INO80C: variants seen among roughly 807,000 people sequenced by gnomAD.
INO80C encodes IES6 homolog.
INO80C carries 17 observed loss-of-function variants against 17.7 expected under a neutral mutation model. That is an observed-to-expected ratio of 0.96 (90% CI 0.66 to 1.44). INO80C has a LOEUF of 1.44. INO80C is among the 40% of genes most tolerant of loss of function. The probability of loss-of-function intolerance (pLI) is 0.00; values close to 1 mark genes in which losing one functional copy is unlikely to be tolerated. For missense variants in INO80C, 244 were observed against 245.0 expected, an observed-to-expected ratio of 1.00 and a Z score of 0.03; for synonymous variants, 96 against 95.8, an observed-to-expected ratio of 1.00 and a Z score of -0.01.
At chr18:35,494,750 T>C (rs2045964115) in intron 1 of INO80C, among the ~76,000 whole-genome samples, 1 of 152,242 alleles carries the variant, frequency 6.6e-6, no homozygotes, top group Non-Finnish European at 1.5e-5. Context: ...TTGCATTGTG[T>C]CAGGACTTCT....
chr18:35,474,310 G>A (rs2045709037), intron 4 of INO80C, among the ~76,000 whole-genome samples: 1 of 145,294 alleles, frequency 6.9e-6, no homozygotes, highest in Non-Finnish European at 1.5e-5. Flanking sequence ...TATGATGTAG[G>A]TTTTGAAACT....
chr18:35,471,286 G>A (rs1339596263), intron 4 of INO80C, among the ~76,000 whole-genome samples: 3 of 152,240 alleles, frequency 2.0e-5, no homozygotes, highest in African/African-American at 7.2e-5. Context: ...TTCCCCAGGA[G>A]AAACCACTGC....
At position 35,497,775 on chromosome 18, in the gene INO80C, CGCT is replaced by C. The variant is rs1567992478; in HGVS notation, c.97_99del (p.Ser33del). On this transcript the variant is annotated inframe_deletion, in exon 1 of 5. Transcript: ENST00000334598. ...TTCTTACTGGCGCCATAGCCCCCGC[CGCT>C]GCTGCCATTGTGGGAAGGGCTGGCC... 4.3e-6 allele frequency: 7 copies of C among 1,613,150 alleles called. No individual in the cohort carries two copies. The highest frequency in any genetic ancestry group is 5.9e-6 in the Non-Finnish European group (7 of 1,179,584).
Position 35,479,373 on chromosome 18 carries a change from GTTC to G in INO80C, c.303_305del (p.Lys101del). On this transcript the variant is annotated inframe_deletion, in exon 3 of 5. Coordinates refer to ENST00000334598, the MANE Select transcript of INO80C (RefSeq NM_194281.4). ...TTTGTTTCAGGTTCTTCCAGGTTCT[GTTC>G]TTCTTGCCAGCTACTGCGCCACCGT... 3 of 1,614,108 alleles carry G rather than the reference GTTC, an allele frequency of 1.9e-6. No homozygotes were observed. The highest frequency in any genetic ancestry group is 2.5e-6 in the Non-Finnish European group (3 of 1,180,006).
At chr18:35,474,207 C>CTATATATATATATATATATATATA (rs58465669) in intron 4 of INO80C, among the ~76,000 whole-genome samples, 1 of 58,020 alleles carries the variant, frequency 1.7e-5, no homozygotes, top group Non-Finnish European at 3.3e-5. Flanking sequence ...GTGTGTGTGT[C>CTATATATATATATATATATATATA]TATATATATA....
Position 35,497,899 on chromosome 18 carries a change from C to T in INO80C, c.-25G>A, listed in dbSNP as rs2046002571. On this transcript the variant is annotated 5_prime_UTR_variant, in exon 1 of 5. Transcript: ENST00000334598. ...TCGCACTCCGAGTCTTCCCCTGGTC[C>T]CCCCACCTTTTTCCCAGCGCGGGCC... 6.6e-7 allele frequency: 1 copy of T among 1,509,976 alleles called. No homozygotes were observed. 93.5% of individuals were successfully genotyped at this position (1,509,976 alleles called of 1,614,324 possible). A position where few individuals can be genotyped will look rare whatever the true frequency, so the allele number is the denominator to read the frequency against.
chr18:35,472,934 ATCTG>A (rs2045687945), intron 4 of INO80C, among the ~76,000 whole-genome samples: 1 of 152,356 alleles, frequency 6.6e-6, no homozygotes, highest in Middle Eastern at 3.4e-3. Context: ...TAGGAGAGTT[ATCTG>A]TCTATTCAGA....
chr18:35,491,348 A>G (rs1255874439), intron 1 of INO80C, among the ~76,000 whole-genome samples: 1 of 152,140 alleles, frequency 6.6e-6, no homozygotes, highest in East Asian at 1.9e-4. Context: ...AAGAGTCAAG[A>G]AGAGGATGAA....
At chr18:35,474,883 G>A (rs538795388) in intron 4 of INO80C, among the ~76,000 whole-genome samples, 5 of 152,224 alleles carry the variant, frequency 3.3e-5, no homozygotes, top group Non-Finnish European at 5.9e-5. Context: ...GAACCGCAAC[G>A]AAATAAGAGT....
At chr18:35,473,956 T>A (rs1361599249) in intron 4 of INO80C, among the ~76,000 whole-genome samples, 1 of 151,818 alleles carries the variant, frequency 6.6e-6, no homozygotes, top group African/African-American at 2.4e-5. Context: ...CAAGGAAAGA[T>A]AACAGAATCT....
rs537692053 is a variant in INO80C, at chr18:35,473,427, G to C, written c.448-4685C>G. 5.9e-5 allele frequency among the ~76,000 whole-genome samples: 9 copies of C among 152,298 alleles called. No individual in the cohort carries two copies. In the South Asian group the frequency reaches 1.9e-3, roughly 32 times the overall value. On this transcript the variant is annotated intron_variant, in intron 4 of 4. Coordinates refer to ENST00000334598, the MANE Select transcript of INO80C (RefSeq NM_194281.4). Reference sequence around the variant, plus strand: ...ATGGGGCAGAGGTGGAGCTCACGCAGAGCTCAGATTCAGGGGCTACTGAAA... The same window carrying C: ...ATGGGGCAGAGGTGGAGCTCACGCACAGCTCAGATTCAGGGGCTACTGAAA...
intron 1 of INO80C, among the ~76,000 whole-genome samples, chr18:35,491,186 T>A (rs1567988356): frequency 6.6e-6 from 1 of 152,138 alleles, no homozygotes; most frequent in Non-Finnish European, 1.5e-5. Flanking sequence ...GGCGTTTAGT[T>A]CCAAGGCCCC....
chr18:35,472,692 T>C (rs2045685128), intron 4 of INO80C, among the ~76,000 whole-genome samples: 1 of 152,218 alleles, frequency 6.6e-6, no homozygotes, highest in Admixed American at 6.5e-5. Context: ...AAAGAAGCAG[T>C]ACCAGTGTAT....
At chr18:35,471,119 T>A (rs1451030124) in intron 4 of INO80C, among the ~76,000 whole-genome samples, 1 of 152,246 alleles carries the variant, frequency 6.6e-6, no homozygotes, top group Non-Finnish European at 1.5e-5. Flanking sequence ...TGTGTGTCAA[T>A]GTAAATGTGA....
rs116742154 is a variant in INO80C, at chr18:35,497,573, C to T, written c.156+146G>A. 1.0e-3 allele frequency: 1,439 copies of T among 1,423,314 alleles called. 9 individuals carry two copies. In the African/African-American group the frequency reaches 0.019, roughly 19 times the overall value. 88.2% of individuals were successfully genotyped at this position (1,423,314 alleles called of 1,614,324 possible). A position where few individuals can be genotyped will look rare whatever the true frequency, so the allele number is the denominator to read the frequency against. On this transcript the variant is annotated intron_variant, in intron 1 of 4. Coordinates refer to ENST00000334598, the MANE Select transcript of INO80C (RefSeq NM_194281.4). The stretch of plus-strand genomic sequence containing the variant: ...TGTCCAAACGAAGGGAAAGAGTAGT[C>T]ATTCACTCCGCGGGGCAGCGTCTTT...
At chr18:35,495,670 T>C (rs1182181603) in intron 1 of INO80C, among the ~76,000 whole-genome samples, 1 of 152,196 alleles carries the variant, frequency 6.6e-6, no homozygotes, top group East Asian at 1.9e-4. Context: ...CAATTATTCC[T>C]ACCCATATGT....
chr18:35,484,455 C>A (rs1356742670), intron 1 of INO80C, among the ~76,000 whole-genome samples: 1 of 152,188 alleles, frequency 6.6e-6, no homozygotes, highest in East Asian at 1.9e-4. Context: ...ATACAATCAG[C>A]CCTCCATATA....
intron 2 of INO80C, 85 bp downstream of exon 2, chr18:35,480,368 T>G (rs959386190): frequency 5.5e-6 from 5 of 905,106 alleles, no homozygotes. Context: ...AGAATGCCAG[T>G]GCCACCCTGG....
At chr18:35,477,109 T>C (rs901039786) in intron 4 of INO80C, among the ~76,000 whole-genome samples, 3 of 152,156 alleles carry the variant, frequency 2.0e-5, no homozygotes, top group Non-Finnish European at 2.9e-5. Context: ...CCAGGCATGG[T>C]GGCGTGTGCC....
Sources: allele counts gnomAD v4.1 joint callset (sites outside exome capture counted in the v4.1 genomes callset), GRCh38; gene constraint gnomAD v4.1.1; transcripts MANE v1.5; gene names NCBI Gene and HGNC (gene_info 2026-07-23, HGNC 2026-07-21).